Variants in KCNIP4 observed in about 807,000 individuals in gnomAD.
The protein encoded by KCNIP4 is potassium voltage-gated channel interacting protein 4.
A neutral mutation model predicts 34.0 loss-of-function variants in KCNIP4; 12 were observed. That is an observed-to-expected ratio of 0.35 (90% CI 0.23 to 0.57). KCNIP4 has a LOEUF of 0.57. Ranked by LOEUF, KCNIP4 falls within the 20% of genes least tolerant of loss-of-function variation. The pLI is 0.83. For missense variants in KCNIP4, 238 were observed against 311.7 expected (o/e 0.76, Z 1.78); for synonymous variants, 124 against 102.2 (o/e 1.21, Z -1.29).
intron 1 of KCNIP4, among the ~76,000 whole-genome samples, chr4:21,500,451 A>G (rs1469227306): frequency 6.6e-6 from 1 of 152,122 alleles, no homozygotes; most frequent in African/African-American, 2.4e-5. Flanking sequence ...TTTTCTACAA[A>G]ACATTAACAA....
intron 1 of KCNIP4, among the ~76,000 whole-genome samples, chr4:21,052,836 G>A (rs752114326): frequency 5.3e-5 from 8 of 152,080 alleles, no homozygotes; most frequent in Non-Finnish European, 8.8e-5. Flanking sequence ...GAGTCTCCAG[G>A]AGAGGTGCTA....
rs55945623 is a variant in KCNIP4, at chr4:20,879,462, A to G, written c.163+3146T>C. The stretch of plus-strand genomic sequence containing the variant: ...TATTTGTCTGATAGTCTTCTCAAAC[A>G]TCAAAGTCAAGATATGTGGTTTATT... On this transcript the variant is annotated intron_variant, in intron 2 of 8. Coordinates refer to ENST00000382152, the MANE Select transcript of KCNIP4 (RefSeq NM_025221.6). 2.7e-3 allele frequency among the ~76,000 whole-genome samples: 412 copies of G among 152,292 alleles called. 1 individual carries two copies. Among genetic ancestry groups the G allele is most frequent in the Admixed American group, 5.0e-3 (77 of 15,290 alleles).
chr4:21,298,409 A>G (rs1763967029), intron 1 of KCNIP4, among the ~76,000 whole-genome samples: 1 of 152,138 alleles, frequency 6.6e-6, no homozygotes, highest in African/African-American at 2.4e-5. Flanking sequence ...GCCTTCATCC[A>G]TGCTTCAGTC....
At chr4:21,119,991 G>T (rs1272185394) in intron 1 of KCNIP4, among the ~76,000 whole-genome samples, 1 of 152,162 alleles carries the variant, frequency 6.6e-6, no homozygotes, top group Non-Finnish European at 1.5e-5. Context: ...CAGGGTGTGA[G>T]ACTCCTGGGA....
In KCNIP4 at chr4:21,041,594, T is replaced by G. The variant is rs73802434; in HGVS notation, c.62-158885A>C. On this transcript the variant is annotated intron_variant, in intron 1 of 8. Coordinates refer to ENST00000382152, the MANE Select transcript of KCNIP4 (RefSeq NM_025221.6). The stretch of plus-strand genomic sequence containing the variant: ...ATCTGGGAAAGACACAAATAAAATT[T>G]CACTTTCTTTGTTCTGTTTGTTGCT... Among the ~76,000 whole-genome samples, 792 of 152,336 alleles carry G rather than the reference T, an allele frequency of 5.2e-3. 4 individuals are homozygous for G. Among genetic ancestry groups the G allele is most frequent in the African/African-American group, 0.017 (692 of 41,576 alleles).
intron 5 of KCNIP4, among the ~76,000 whole-genome samples, chr4:20,748,139 G>A (rs999481923): frequency 6.6e-6 from 1 of 151,956 alleles, no homozygotes; most frequent in Non-Finnish European, 1.5e-5. Context: ...TTCTACAAAG[G>A]CTCCTCATCT....
At chr4:20,985,704 T>C (rs963583592) in intron 1 of KCNIP4, among the ~76,000 whole-genome samples, 2 of 152,072 alleles carry the variant, frequency 1.3e-5, no homozygotes, top group East Asian at 3.9e-4. Flanking sequence ...ATGTGACCAA[T>C]AAATACACCA....
intron 2 of KCNIP4, among the ~76,000 whole-genome samples, chr4:20,878,329 A>G (rs972506440): frequency 6.6e-6 from 1 of 152,158 alleles, no homozygotes. Context: ...TTTGTCTCCA[A>G]TAAACCATGG....
chr4:21,122,465 T>G (rs1041072942), intron 1 of KCNIP4, among the ~76,000 whole-genome samples: 1 of 151,858 alleles, frequency 6.6e-6, no homozygotes. Context: ...AAGTTTTTTT[T>G]TTTTTTTTTT....
At chr4:21,793,577 T>C (rs139710238) in intron 1 of KCNIP4, among the ~76,000 whole-genome samples, 183 of 152,198 alleles carry the variant, frequency 1.2e-3, no homozygotes, top group East Asian at 1.4e-3. Flanking sequence ...GTTTTTTCAA[T>C]AAGAGAAAAA....
At chr4:21,643,044 G>T (rs558500734) in intron 1 of KCNIP4, among the ~76,000 whole-genome samples, 2 of 152,286 alleles carry the variant, frequency 1.3e-5, no homozygotes, top group South Asian at 4.1e-4. Context: ...ATGGCAAAGA[G>T]AATATGTAAA....
chr4:21,419,402 G>A (rs1330481514), intron 1 of KCNIP4, among the ~76,000 whole-genome samples: 2 of 152,088 alleles, frequency 1.3e-5, no homozygotes, highest in East Asian at 3.9e-4. Context: ...TGGTGATTTT[G>A]GTGGAGGAGG....
chr4:21,296,956 C>T (rs1763872501), intron 1 of KCNIP4, among the ~76,000 whole-genome samples: 1 of 151,260 alleles, frequency 6.6e-6, no homozygotes. Flanking sequence ...TAACTGCCCT[C>T]GTGACTTGTG....
At chr4:21,789,845 C>G (rs1720161389) in intron 1 of KCNIP4, among the ~76,000 whole-genome samples, 4 of 152,146 alleles carry the variant, frequency 2.6e-5, no homozygotes, top group Admixed American at 2.6e-4. Context: ...CTAAGGCAAC[C>G]CACCCAAGTT....
rs541433803 is a variant in KCNIP4, at chr4:21,225,862, C to T, written c.62-343153G>A. On this transcript the variant is annotated intron_variant, in intron 1 of 8. Transcript: ENST00000382152. ...AGTCAACTTGCCAACGGCTTAATGC[C>T]AGGAAGGCCCAGTAGGGTCACAGAA... 7.9e-5 allele frequency among the ~76,000 whole-genome samples: 12 copies of T among 152,220 alleles called. No homozygotes were observed. In the East Asian group the frequency reaches 2.1e-3, roughly 27 times the overall value.
intron 3 of KCNIP4, among the ~76,000 whole-genome samples, chr4:20,835,019 G>A (rs1718868857): frequency 6.6e-6 from 1 of 152,088 alleles, no homozygotes; most frequent in Non-Finnish European, 1.5e-5. Context: ...AGCTTCCCTA[G>A]ATTCTTTTAG....
chr4:21,218,320 A>G (rs1374772073), intron 1 of KCNIP4, among the ~76,000 whole-genome samples: 1 of 152,006 alleles, frequency 6.6e-6, no homozygotes, highest in Non-Finnish European at 1.5e-5. Flanking sequence ...CAGCCTGTAT[A>G]GTTTTATTTA....
At chr4:21,517,099 G>T (rs1429464385) in intron 1 of KCNIP4, among the ~76,000 whole-genome samples, 1 of 152,082 alleles carries the variant, frequency 6.6e-6, no homozygotes, top group Non-Finnish European at 1.5e-5. Flanking sequence ...GAAGAACAAT[G>T]GAAATTCTAA....
chr4:20,905,578 C>A (rs1282396482), intron 1 of KCNIP4, among the ~76,000 whole-genome samples: 1 of 133,028 alleles, frequency 7.5e-6, no homozygotes. Context: ...CTGGTGCAAT[C>A]TCGGCTCACT....
Sources: gnomAD v4.1 joint callset for allele counts (sites outside exome capture counted in the v4.1 genomes callset) on GRCh38, gnomAD v4.1.1 for gene constraint, MANE v1.5 for transcripts, NCBI Gene and HGNC (gene_info 2026-07-23, HGNC 2026-07-21) for gene names.